Variants in UIMC1 observed in about 807,000 individuals in gnomAD.
UIMC1 encodes the protein ubiquitin interaction motif containing 1.
Under a neutral mutation model 84.9 loss-of-function variants are expected in UIMC1, and 42 were observed. The ratio of observed to expected loss-of-function variants is 0.49; its 90% CI spans 0.39 to 0.64. The LOEUF (loss-of-function observed/expected upper bound fraction) is 0.64, where lower values mean the gene tolerates loss of function less well. Ranked by LOEUF, UIMC1 falls within the 30% of genes least tolerant of loss-of-function variation. The probability of loss-of-function intolerance (pLI) is 0.00; values close to 1 mark genes in which losing one functional copy is unlikely to be tolerated. For missense variants in UIMC1, 825 were observed against 847.6 expected, an observed-to-expected ratio of 0.97 and a Z score of 0.33; for synonymous variants, 281 against 293.0, an observed-to-expected ratio of 0.96 and a Z score of 0.42.
chr5:176,944,423 T>A (rs1023215650), intron 9 of UIMC1, among the ~76,000 whole-genome samples: 1 of 152,240 alleles, frequency 6.6e-6, no homozygotes, highest in Non-Finnish European at 1.5e-5. Flanking sequence ...CCAAGAACTC[T>A]GCAGTGATTA....
intron 1 of UIMC1, among the ~76,000 whole-genome samples, chr5:176,984,217 C>T (rs555942127): frequency 5.0e-4 from 69 of 139,072 alleles, no homozygotes; most frequent in African/African-American, 1.6e-3. Context: ...CGCCTCTGCC[C>T]GGCCGCCCCA....
At chr5:177,006,284 C>T (rs1411506078) in intron 1 of UIMC1, 2 of 152,554 alleles carry the variant, frequency 1.3e-5, no homozygotes, top group Admixed American at 1.3e-4. Flanking sequence ...CCGAACCCAC[C>T]TCAACCTTGG....
intron 1 of UIMC1, among the ~76,000 whole-genome samples, chr5:176,991,785 C>G (rs575209123): frequency 6.4e-4 from 97 of 151,728 alleles, no homozygotes; most frequent in African/African-American, 2.3e-3. Context: ...ACAAAAAATT[C>G]GCCGGGCGTG....
chr5:176,955,142 T>C (rs1162008883), intron 8 of UIMC1, among the ~76,000 whole-genome samples: 1 of 152,182 alleles, frequency 6.6e-6, no homozygotes, highest in East Asian at 1.9e-4. Flanking sequence ...AAATAATGCT[T>C]CATATTATAC....
At chr5:176,985,328 T>C (rs1308896103) in intron 1 of UIMC1, among the ~76,000 whole-genome samples, 1 of 151,946 alleles carries the variant, frequency 6.6e-6, no homozygotes, top group Non-Finnish European at 1.5e-5. Context: ...TGGTAGCGCA[T>C]GCCTGTAATC....
At chr5:177,010,758 G>C (rs1431572221), upstream of UIMC1, among the ~76,000 whole-genome samples, 1 of 152,084 alleles carries the variant, frequency 6.6e-6, no homozygotes, top group Non-Finnish European at 1.5e-5. Flanking sequence ...CCTGACCTCA[G>C]GTAAGCCGCC....
At chr5:176,950,407 C>A (rs573761943) in intron 9 of UIMC1, among the ~76,000 whole-genome samples, 1 of 151,802 alleles carries the variant, frequency 6.6e-6, no homozygotes, top group African/African-American at 2.4e-5. Flanking sequence ...CAAAAAGGAA[C>A]CTTTCTTACA....
intron 10 of UIMC1, among the ~76,000 whole-genome samples, chr5:176,932,514 T>C (rs372533558): frequency 1.5e-4 from 22 of 150,302 alleles, no homozygotes; most frequent in South Asian, 8.7e-4. Flanking sequence ...TATAGATAGA[T>C]AGACAGATAG....
intron 1 of UIMC1, among the ~76,000 whole-genome samples, chr5:177,013,093 A>G (rs1484137945): frequency 1.4e-5 from 2 of 146,982 alleles, no homozygotes; most frequent in African/African-American, 2.5e-5. Flanking sequence ...AAAAAAAAAA[A>G]GGGCCAGGCA....
At chr5:176,969,377 T>C (rs1372424524) in intron 5 of UIMC1, 86 bp from the exon 6 acceptor site, 6 of 1,497,490 alleles carry the variant, frequency 4.0e-6, no homozygotes, top group African/African-American at 2.8e-5. Flanking sequence ...AAGAATTACA[T>C]AATATGGGTA....
intron 1 of UIMC1, among the ~76,000 whole-genome samples, chr5:176,989,674 T>C (rs1772521163): frequency 6.6e-6 from 1 of 151,762 alleles, no homozygotes; most frequent in Non-Finnish European, 1.5e-5. Flanking sequence ...AAAAGAAATA[T>C]ACTTTTAACT....
At chr5:176,976,241 A>C (rs1377829719) in intron 2 of UIMC1, among the ~76,000 whole-genome samples, 1 of 152,134 alleles carries the variant, frequency 6.6e-6, no homozygotes, top group Non-Finnish European at 1.5e-5. Flanking sequence ...CTTGAACCCA[A>C]GACTTCCAGG....
intron 6 of UIMC1, among the ~76,000 whole-genome samples, chr5:176,968,001 G>T (rs1768571147): frequency 6.6e-6 from 1 of 151,972 alleles, no homozygotes; most frequent in East Asian, 1.9e-4. Context: ...AAACTATAAA[G>T]TAGGGAGAGG....
At chr5:176,939,810 T>C (rs1338346429) in intron 10 of UIMC1, among the ~76,000 whole-genome samples, 1 of 152,242 alleles carries the variant, frequency 6.6e-6, no homozygotes, top group East Asian at 1.9e-4. Context: ...AAAGTGTGAC[T>C]GTCATTCAGG....
intron 8 of UIMC1, 137 bp downstream of exon 8, chr5:176,955,822 T>C (rs1215951795): frequency 1.5e-6 from 1 of 673,770 alleles, no homozygotes; most frequent in East Asian, 2.8e-5. Context: ...CGCATACGAG[T>C]GTTGAGACAT....
intron 9 of UIMC1, among the ~76,000 whole-genome samples, chr5:176,947,611 G>A (rs1176627151): frequency 1.3e-5 from 2 of 152,136 alleles, no homozygotes; most frequent in Non-Finnish European, 2.9e-5. Flanking sequence ...GAGGTCAGGA[G>A]ATGGAGACCA....
chr5:176,992,817 CA>C (rs1410621181), intron 1 of UIMC1, among the ~76,000 whole-genome samples: 1 of 151,202 alleles, frequency 6.6e-6, no homozygotes, highest in African/African-American at 2.4e-5. Flanking sequence ...AAAAAGAAAA[CA>C]AAAAGCCACC....
At chr5:176,990,557 TTTA>T (rs1362603294) in intron 1 of UIMC1, among the ~76,000 whole-genome samples, 1 of 152,110 alleles carries the variant, frequency 6.6e-6, no homozygotes, top group African/African-American at 2.4e-5. Context: ...ATAAATTAAT[TTTA>T]TATTAATTCG....
At chr5:176,956,783 C>T (rs1033574649) in intron 7 of UIMC1, among the ~76,000 whole-genome samples, 6 of 151,792 alleles carry the variant, frequency 4.0e-5, no homozygotes, top group Non-Finnish European at 5.9e-5. Context: ...ATCCTCACAT[C>T]AACCAAGAAC....
Sources: allele counts gnomAD v4.1 joint callset (sites outside exome capture counted in the v4.1 genomes callset), GRCh38; gene constraint gnomAD v4.1.1; transcripts MANE v1.5; gene names NCBI Gene and HGNC (gene_info 2026-07-23, HGNC 2026-07-21).